The following KANSL1 variants were observed in gnomAD, a reference collection of about 807,000 sequenced individuals.
KANSL1 encodes MLL1/MLL complex subunit KANSL1.
KANSL1 carries 22 observed loss-of-function variants against 103.6 expected under a neutral mutation model. The observed-to-expected ratio is 0.21, with a 90% confidence interval of 0.15 to 0.30. The LOEUF is 0.30. Ranked by LOEUF, KANSL1 falls within the 10% of genes least tolerant of loss-of-function variation. The pLI, the probability that KANSL1 is intolerant of heterozygous loss-of-function variation, is 1.00. For synonymous variants in KANSL1, 600 were observed against 527.6 expected (o/e 1.14, Z -1.88); for missense variants, 1,337 against 1,399.8 (o/e 0.96, Z 0.72).
At chr17:46,220,844 G>A (rs1297697732) in intron 1 of KANSL1, among the ~76,000 whole-genome samples, 1 of 152,106 alleles carries the variant, frequency 6.6e-6, no homozygotes, top group Non-Finnish European at 1.5e-5. Context: ...GTGCCACCAT[G>A]CCCCAGCTAG....
intron 10 of KANSL1, 73 bp from the exon 11 acceptor site, chr17:46,034,358 A>T: frequency 1.3e-6 from 2 of 1,552,082 alleles, no homozygotes; most frequent in Non-Finnish European, 1.8e-6. Flanking sequence ...TAAGAGTTAA[A>T]GCAGGATCAC....
chr17:46,044,548 C>T (rs1179263491), intron 7 of KANSL1: 2 of 152,142 alleles, frequency 1.3e-5, no homozygotes, highest in African/African-American at 4.8e-5. Flanking sequence ...TCTTATTAAG[C>T]CCCTTTTATA....
intron 2 of KANSL1, among the ~76,000 whole-genome samples, chr17:46,105,434 T>C (rs986739281): frequency 6.6e-6 from 1 of 151,942 alleles, no homozygotes; most frequent in Non-Finnish European, 1.5e-5. Flanking sequence ...CTGACCAACA[T>C]GGTGAAACCC....
Position 46,040,258 on chromosome 17 carries a change from G to A in KANSL1, c.2021-374C>T, listed in dbSNP as rs115708815. 1,146 of 232,434 alleles carry A rather than the reference G, an allele frequency of 4.9e-3. 17 individuals carry two copies. The highest frequency in any genetic ancestry group is 0.025 in the African/African-American group (1,088 of 43,898). The allele number at this position is 232,434 out of a possible 1,614,324, so 14.4% of individuals were successfully genotyped here. ...TTTCTATCAATATAAAGTTAATCAG[G>A]ATGCAATTATTCAACAATATTCATT... is the stretch of plus-strand genomic sequence containing the variant. On this transcript the variant is annotated intron_variant, in intron 7 of 14. Coordinates refer to ENST00000432791, the MANE Select transcript of KANSL1 (RefSeq NM_015443.4).
chr17:46,094,584 A>G lies in KANSL1; in HGVS notation c.1407T>C (p.Ile469=), dbSNP rs2146946935. 1.9e-6 allele frequency: 3 copies of G among 1,613,490 alleles called. No individual in the cohort carries two copies. The highest frequency in any genetic ancestry group is 2.5e-6 in the Non-Finnish European group (3 of 1,179,992). Residue 469 remains isoleucine (I), a synonymous_variant, in exon 3 of 15, where the codon ATT becomes ATC. Transcript: ENST00000432791. The stretch of plus-strand genomic sequence containing the variant: ...CCTTATTAGCACGTATCTGTTTGTA[A>G]ATGTCTGTTTGCTGACGAATTCGAT... ...LEYRIRQQTD[I]YKQIRANKGL... is the part of the protein sequence containing the mutation.
At chr17:46,073,899 G>T (rs1245087544) in intron 4 of KANSL1, among the ~76,000 whole-genome samples, 1 of 152,094 alleles carries the variant, frequency 6.6e-6, no homozygotes, top group Non-Finnish European at 1.5e-5. Context: ...GATTAAACGA[G>T]TATCAATAAG....
intron 2 of KANSL1, among the ~76,000 whole-genome samples, chr17:46,144,642 T>C (rs2044601963): frequency 6.6e-6 from 1 of 152,048 alleles, no homozygotes; most frequent in African/African-American, 2.4e-5. Context: ...GACATCCCCC[T>C]TCACCAAAAA....
intron 9 of KANSL1, 147 bp from the exon 10 acceptor site, chr17:46,038,833 G>A (rs967505086): frequency 1.7e-6 from 2 of 1,184,562 alleles, no homozygotes; most frequent in Admixed American, 4.3e-5. Flanking sequence ...CACTAGCTGT[G>A]GGAAGTAGGG....
In KANSL1 at chr17:46,039,603, T is replaced by TC. The variant is rs1042351150; in HGVS notation, c.2203+98dup. 2.2e-6 allele frequency: 3 copies of TC among 1,360,082 alleles called. No individual in the cohort carries two copies. In the African/African-American group the frequency reaches 4.4e-5, roughly 20 times the overall value. The allele number at this position is 1,360,082 out of a possible 1,614,324, so 84.3% of individuals were successfully genotyped here. A position where few individuals can be genotyped will look rare whatever the true frequency, so the allele number is the denominator to read the frequency against. ...GAATTTTTTATCGGTCAACTGCCTC[T>TC]CCCAACCCCAACATGCATGCAAACT... On this transcript the variant is annotated intron_variant, in intron 8 of 14. Transcript: ENST00000432791.
chr17:46,147,906 A>G (rs2044819745), intron 2 of KANSL1, among the ~76,000 whole-genome samples: 1 of 152,234 alleles, frequency 6.6e-6, no homozygotes, highest in Non-Finnish European at 1.5e-5. Flanking sequence ...TTGTTGATGA[A>G]TATAAAATTT....
At chr17:46,143,826 A>G (rs1393577129) in intron 2 of KANSL1, among the ~76,000 whole-genome samples, 5 of 150,732 alleles carry the variant, frequency 3.3e-5, no homozygotes, top group East Asian at 3.9e-4. Flanking sequence ...AAAAAAAAAA[A>G]AAGAAGTTGT....
intron 8 of KANSL1, chr17:46,039,445 G>C: frequency 1.7e-6 from 1 of 602,740 alleles, no homozygotes; most frequent in South Asian, 2.3e-5. Flanking sequence ...GCCCGTAGAT[G>C]AACTCAATGC....
intron 1 of KANSL1, among the ~76,000 whole-genome samples, chr17:46,210,953 G>A (rs2048149853): frequency 6.6e-6 from 1 of 152,124 alleles, no homozygotes; most frequent in African/African-American, 2.4e-5. Flanking sequence ...GGCAATTCCA[G>A]AAGGGCACGC....
rs1269773544 is a variant in KANSL1, at chr17:46,032,073, T to C, written c.3064A>G (p.Thr1022Ala). Reference protein sequence around the residue: ...HLASEDTRCSTPELGLDEQSV... With the variant: ...HLASEDTRCSAPELGLDEQSV... Reference sequence around the variant, plus strand: ...TGTTCATCCAGCCCCAGCTCTGGTGTGGAACAACGGGTATCCTCACTGGCT... The same window carrying C: ...TGTTCATCCAGCCCCAGCTCTGGTGCGGAACAACGGGTATCCTCACTGGCT... The change falls in exon 14 of 15, where the codon ACA becomes GCA. Residue 1022 changes from threonine to alanine, a missense_variant. By Grantham distance (58) the Thr-to-Ala change is moderately conservative. Transcript: ENST00000432791. 2 of 1,614,170 alleles carry C rather than the reference T, an allele frequency of 1.2e-6. No homozygotes were observed. The highest frequency in any genetic ancestry group is 1.7e-6 in the Non-Finnish European group (2 of 1,180,018).
chr17:46,084,999 T>C (rs1193839975), intron 3 of KANSL1, among the ~76,000 whole-genome samples: 2 of 152,214 alleles, frequency 1.3e-5, no homozygotes, highest in Non-Finnish European at 2.9e-5. Context: ...TCTTCCTGCT[T>C]CCTGTACAAA....
intron 6 of KANSL1, among the ~76,000 whole-genome samples, chr17:46,058,950 G>A (rs1436765647): frequency 6.6e-6 from 1 of 151,892 alleles, no homozygotes; most frequent in African/African-American, 2.4e-5. Flanking sequence ...TACTTGCTGA[G>A]GCAGGAGAAT....
rs117796739 is a variant in KANSL1 at position 46,214,359 on chromosome 17, A to G, written c.-90+9312T>C. Among the ~76,000 whole-genome samples, 316 of 152,336 alleles carry G rather than the reference A, an allele frequency of 2.1e-3. 6 individuals carry two copies. The East Asian group carries it at 0.042, about 20-fold the overall frequency. On this transcript the variant is annotated intron_variant, in intron 1 of 14. Transcript: ENST00000572904. ...CACTCATTTACTAAGTGCCATCAAGAGCAAGCAGTGATGGCCGGGTATGGT... is the reference window on the plus strand; with the variant it reads ...CACTCATTTACTAAGTGCCATCAAGGGCAAGCAGTGATGGCCGGGTATGGT...
chr17:46,170,886 T>C lies in KANSL1; in HGVS notation c.1258A>G (p.Arg420Gly), dbSNP rs2147730677. Residue 420 changes from arginine (R) to glycine (G), a missense_variant, in exon 2 of 15, where the codon AGA becomes GGA. Around this residue, in one of 2 missense-constraint regions of KANSL1, gnomAD observed 780 missense variants for 923.4 expected, o/e 0.84. Transcript: ENST00000432791. ...ACATGACGCTGCTCGGGATCAGCTC[T>C]GGTCAGTTCTTCCTCTTCAATATCA... ...ESDIEEEELTRADPEQRHVPL... is the reference protein window; with the variant it reads ...ESDIEEEELTGADPEQRHVPL... 6.2e-7 allele frequency: 1 copy of C among 1,613,018 alleles called. No individual in the cohort carries two copies. Among genetic ancestry groups the C allele is most frequent in the Middle Eastern group, 1.7e-4 (1 of 6,056 alleles).
chr17:46,046,314 G>A (rs957345640), intron 7 of KANSL1, among the ~76,000 whole-genome samples: 1 of 150,888 alleles, frequency 6.6e-6, no homozygotes, highest in Non-Finnish European at 1.5e-5. Context: ...TGGGTAGATC[G>A]CTTGGGCCCA....
Sources: allele counts gnomAD v4.1 joint callset (sites outside exome capture counted in the v4.1 genomes callset), GRCh38; gene constraint gnomAD v4.1.1; regional missense constraint gnomAD v4.1.1; transcripts MANE v1.5; gene names NCBI Gene and HGNC (gene_info 2026-07-23, HGNC 2026-07-21).